Variants in DARS2 observed in about 807,000 individuals in gnomAD.
DARS2 encodes aspartate--tRNA ligase, mitochondrial.
Under a neutral mutation model 83.0 loss-of-function variants are expected in DARS2, and 63 were observed. The observed-to-expected ratio is 0.76, with a 90% CI of 0.62 to 0.94. The LOEUF (loss-of-function observed/expected upper bound fraction) is 0.94, where lower values mean the gene tolerates loss of function less well. Among genes scored for constraint, DARS2 ranks in the 40% least tolerant of loss-of-function variants. The pLI is 0.00. For synonymous variants in DARS2, 250 were observed against 269.3 expected (o/e 0.93, Z 0.70); for missense variants, 675 against 774.4 (o/e 0.87, Z 1.52).
chr1:173,825,400 C>T, intron 1 of DARS2, 44 bp downstream of exon 1: 3 of 1,594,316 alleles, frequency 1.9e-6, no homozygotes, highest in South Asian at 1.1e-5. Context: ...GTACTTCAGC[C>T]TGTTATCTAC....
intron 12 of DARS2, among the ~76,000 whole-genome samples, chr1:173,845,648 G>A (rs1390318457): frequency 6.6e-6 from 1 of 151,968 alleles, no homozygotes; most frequent in Non-Finnish European, 1.5e-5. Context: ...AGAATCACCT[G>A]AGCCTGGGGG....
At chr1:173,853,237 T>C in intron 13 of DARS2, 112 bp from the exon 14 acceptor site, 1 of 1,014,982 alleles carries the variant, frequency 9.9e-7, no homozygotes, top group South Asian at 1.3e-5. Flanking sequence ...ATCCTATCTG[T>C]TAATTGGCTA....
intron 2 of DARS2, among the ~76,000 whole-genome samples, chr1:173,827,652 C>T (rs1184998509): frequency 6.6e-6 from 1 of 152,040 alleles, no homozygotes. Flanking sequence ...AAAAGTTTGT[C>T]CCAAGTAGGT....
intron 2 of DARS2, 83 bp downstream of exon 2, chr1:173,826,869 C>A: frequency 9.6e-7 from 1 of 1,037,930 alleles, no homozygotes; most frequent in South Asian, 1.3e-5. Flanking sequence ...TACAACCAGT[C>A]CGAAGAATAA....
At chr1:173,848,607 C>T (rs975484996) in intron 12 of DARS2, among the ~76,000 whole-genome samples, 2 of 152,228 alleles carry the variant, frequency 1.3e-5, no homozygotes, top group African/African-American at 4.8e-5. Flanking sequence ...TTACTTTCTT[C>T]TCCCATCTGT....
rs751658929 is a variant in DARS2, at chr1:173,856,723, C to T, written c.1732C>T (p.His578Tyr). ...GGCTTTAGATTATGGGGCACCCCCTCATGGAGGAATTGCCTTAGGTAAACA... is the reference window on the plus strand; with the variant it reads ...GGCTTTAGATTATGGGGCACCCCCTTATGGAGGAATTGCCTTAGGTAAACA... The part of the protein sequence containing the change: ...LQALDYGAPP[H>Y]GGIALGLDRL... The change falls in exon 16 of 17, where the codon CAT becomes TAT. Residue 578 changes from histidine (H) to tyrosine (Y), a missense_variant. Physicochemically the swap from His to Tyr is moderately conservative, Grantham distance 83 (BLOSUM62 2). Transcript: ENST00000649689. 1.9e-6 allele frequency: 3 copies of T among 1,614,012 alleles called. No individual in the cohort carries two copies. Among genetic ancestry groups the T allele is most frequent in the Admixed American group, 3.3e-5 (2 of 60,016 alleles).
At chr1:173,845,041 C>T (rs991944644) in intron 11 of DARS2, among the ~76,000 whole-genome samples, 188 bp from the exon 12 acceptor site, 2 of 151,922 alleles carry the variant, frequency 1.3e-5, no homozygotes, top group Admixed American at 1.3e-4. Context: ...GCAGTCCACC[C>T]GCCTCAGCCT....
chr1:173,834,757 TGGTTTG>T (rs377555847), intron 7 of DARS2, among the ~76,000 whole-genome samples: 34 of 63,906 alleles, frequency 5.3e-4, no homozygotes, highest in Middle Eastern at 0.013. Flanking sequence ...TTTTTTTTTT[TGGTTTG>T]TTTTGGGTTT....
chr1:173,850,908 A>G (rs1323122371), intron 13 of DARS2, among the ~76,000 whole-genome samples: 2 of 151,984 alleles, frequency 1.3e-5, no homozygotes, highest in Admixed American at 1.3e-4. Context: ...CCCAGCCTGC[A>G]TAAATCTTAT....
chr1:173,839,918 A>G (rs1653145242), intron 10 of DARS2, among the ~76,000 whole-genome samples: 1 of 152,158 alleles, frequency 6.6e-6, no homozygotes, highest in Non-Finnish European at 1.5e-5. Context: ...GCTCAAACAT[A>G]TGACAATGTT....
At position 173,845,146 on chromosome 1, in the gene DARS2, T is replaced by C; in HGVS notation, c.1129-83T>C. 3 of 885,708 alleles carry C rather than the reference T, an allele frequency of 3.4e-6. No individual in the cohort carries two copies. In the South Asian group the frequency reaches 4.1e-5, roughly 12 times the overall value. 54.9% of individuals were successfully genotyped at this position (885,708 alleles called of 1,614,324 possible). ...ACTATTGTAATAGAAAGACACAAAA[T>C]ATATTTGTCATTTGATCGCATAACC... On this transcript the variant is annotated intron_variant, in intron 11 of 16. Transcript: ENST00000649689.
chr1:173,857,798 T>C lies in DARS2; in HGVS notation c.*93T>C, dbSNP rs1653908582. The C allele has an allele frequency of 1.5e-6, 2 of 1,362,712 alleles. No individual in the cohort carries two copies. The highest frequency in any genetic ancestry group is 3.6e-5 in the Admixed American group (2 of 54,984). The allele number at this position is 1,362,712 out of a possible 1,614,324, so 84.4% of individuals were successfully genotyped here. A position where few individuals can be genotyped will look rare whatever the true frequency, so the allele number is the denominator to read the frequency against. On this transcript the variant is annotated 3_prime_UTR_variant, in exon 17 of 17. Transcript: ENST00000649689. ...CAGATCTAGAGTTCTGCCACAGGTC[T>C]AACAATCAAGTCTTTAGATGGAAGG...
intron 3 of DARS2, among the ~76,000 whole-genome samples, chr1:173,829,155 G>T (rs1652699706): frequency 6.6e-6 from 1 of 152,134 alleles, no homozygotes; most frequent in Non-Finnish European, 1.5e-5. Flanking sequence ...AGCACTCTAA[G>T]TGCTGTCATC....
intron 13 of DARS2, chr1:173,852,051 G>T (rs1050428838): frequency 2.0e-6 from 2 of 985,366 alleles, no homozygotes; most frequent in African/African-American, 3.5e-5. Flanking sequence ...GAAGTTATAG[G>T]TCTGATTCCT....
At chr1:173,843,636 G>A (rs1025626930) in intron 11 of DARS2, among the ~76,000 whole-genome samples, 23 of 152,194 alleles carry the variant, frequency 1.5e-4, no homozygotes, top group African/African-American at 5.3e-4. Context: ...ATCACATAGC[G>A]AGTGAGTTCC....
chr1:173,832,448 G>A (rs766406151), intron 5 of DARS2, among the ~76,000 whole-genome samples: 28 of 152,094 alleles, frequency 1.8e-4, no homozygotes, highest in Non-Finnish European at 3.1e-4. Context: ...TCAGCACAAA[G>A]AGGGATGCAG....
rs1447233983 is a variant in DARS2 at position 173,834,366 on chromosome 1, TTCTTA to T, written c.617-106_617-102del. Reference sequence around the variant, plus strand: ...GCTTGGTAGCTTATTTCAGCTAAAATTCTTAATTAAAGGGAAGCCTCAGATTTGTT... The same window carrying T: ...GCTTGGTAGCTTATTTCAGCTAAAATATTAAAGGGAAGCCTCAGATTTGTT... On this transcript the variant is annotated intron_variant, in intron 6 of 16. Transcript: ENST00000649689. 5.8e-6 allele frequency: 5 copies of T among 863,076 alleles called. No homozygotes were observed. In the Admixed American group the frequency reaches 9.2e-5, roughly 16 times the overall value. The allele number at this position is 863,076 out of a possible 1,614,324, so 53.5% of individuals were successfully genotyped here.
In DARS2 at chr1:173,828,320, C is replaced by T. The variant is rs549430098; in HGVS notation, c.228-13C>T. 8.8e-6 allele frequency: 12 copies of T among 1,362,002 alleles called. No homozygotes were observed. The highest frequency in any genetic ancestry group is 5.8e-5 in the East Asian group (2 of 34,650). The allele number at this position is 1,362,002 out of a possible 1,614,324, so 84.4% of individuals were successfully genotyped here. ...ATCTTAAAATGTTTCTTTTCCCCCC[C>T]CCCATTAATCAGGCAAAACACATTC... On this transcript the variant is annotated splice_polypyrimidine_tract_variant and intron_variant, in intron 2 of 16. Coordinates refer to ENST00000649689, the MANE Select transcript of DARS2 (RefSeq NM_018122.5).
At chr1:173,827,444 A>G (rs1652624690) in intron 2 of DARS2, among the ~76,000 whole-genome samples, 1 of 152,130 alleles carries the variant, frequency 6.6e-6, no homozygotes, top group Admixed American at 6.5e-5. Context: ...CCCAGCCAAT[A>G]TGATGAAACC....
Sources: allele counts gnomAD v4.1 joint callset (sites outside exome capture counted in the v4.1 genomes callset), GRCh38; gene constraint gnomAD v4.1.1; transcripts MANE v1.5; gene names NCBI Gene and HGNC (gene_info 2026-07-23, HGNC 2026-07-21).